The following ARHGAP23 variants were observed in gnomAD, a reference collection of about 807,000 sequenced individuals.
ARHGAP23 encodes the protein rho GTPase-activating protein 23.
In ARHGAP23, 34 loss-of-function variants were observed where a neutral mutation model predicts 136.3. That is an observed-to-expected ratio of 0.25 (90% confidence interval 0.19 to 0.33). The LOEUF is 0.33. Among genes scored for constraint, ARHGAP23 ranks in the 10% least tolerant of loss-of-function variants. The probability of loss-of-function intolerance (pLI) is 1.00; values close to 1 mark genes in which losing one functional copy is unlikely to be tolerated. For synonymous variants in ARHGAP23, 832 were observed against 920.5 expected, an observed-to-expected ratio of 0.90 and a Z score of 1.74; for missense variants, 1,808 against 2,139.0, an observed-to-expected ratio of 0.85 and a Z score of 3.05.
upstream of ARHGAP23, among the ~76,000 whole-genome samples, chr17:38,425,060 C>A (rs533446829): frequency 1.9e-4 from 29 of 152,314 alleles, no homozygotes; most frequent in Non-Finnish European, 3.8e-4. Flanking sequence ...GCTTGCCGCC[C>A]TCCATTCCTG....
At position 38,466,520 on chromosome 17, in the gene ARHGAP23, C is replaced by T. The variant is rs1013310017; in HGVS notation, c.837C>T (p.Pro279=). The change falls in exon 7 of 24, where the codon CCC becomes CCT. Residue 279 remains proline, a synonymous_variant. Coordinates refer to ENST00000622683, the MANE Select transcript of ARHGAP23 (RefSeq NM_001199417.2). ...AFPEPGSRVP[P]SRLECQQALS... ...CAGAGCCTGGCAGCCGGGTGCCCCC[C>T]AGCAGACTGGAGTGCCAGCAGGCCT... is the stretch of plus-strand genomic sequence containing the variant. 82 of 1,480,914 alleles carry T rather than the reference C, an allele frequency of 5.5e-5. No homozygotes were observed. Among genetic ancestry groups the T allele is most frequent in the Non-Finnish European group, 7.1e-5 (79 of 1,118,978 alleles). 91.7% of individuals were successfully genotyped at this position (1,480,914 alleles called of 1,614,324 possible).
At chr17:38,460,996 T>C (rs2039447342) in intron 3 of ARHGAP23, 64 bp downstream of exon 3, 2 of 1,524,248 alleles carry the variant, frequency 1.3e-6, no homozygotes, top group African/African-American at 1.4e-5. Context: ...TGTCTCTCCC[T>C]GTCCTCCCCT....
rs572754569 is a variant in ARHGAP23, at chr17:38,467,300, C to T, written c.1617C>T (p.Thr539=). ...LGRKVAPLAT[T]EDSLASIPFI... is the part of the protein sequence containing the mutation. ...GGAAGGTGGCCCCTTTGGCCACCAC[C>T]GAAGACTCTCTGGCTTCCATCCCCT... The change falls in exon 7 of 24, where the codon ACC becomes ACT. Residue 539 remains threonine, a synonymous_variant. Transcript: ENST00000622683. 6.0e-6 allele frequency: 9 copies of T among 1,505,998 alleles called. No homozygotes were observed. Among genetic ancestry groups the T allele is most frequent in the African/African-American group, 5.6e-5 (4 of 70,940 alleles). 93.3% of individuals were successfully genotyped at this position (1,505,998 alleles called of 1,614,324 possible).
At chr17:38,457,734 C>T (rs747432283) in intron 1 of ARHGAP23, 15 of 336,008 alleles carry the variant, frequency 4.5e-5, no homozygotes, top group African/African-American at 1.3e-4. Flanking sequence ...GCTAAGACAA[C>T]GACAGGCACT....
upstream of ARHGAP23, among the ~76,000 whole-genome samples, chr17:38,427,243 T>C (rs1041593351): frequency 2.6e-5 from 4 of 152,122 alleles, no homozygotes; most frequent in African/African-American, 9.7e-5. Flanking sequence ...CAGGCGAATA[T>C]CACTTGAGGT....
intron 6 of ARHGAP23, 103 bp downstream of exon 6, chr17:38,463,485 C>T (rs2039509850): frequency 4.3e-6 from 6 of 1,384,066 alleles, no homozygotes; most frequent in Non-Finnish European, 5.0e-6. Context: ...CACAGGCCGA[C>T]ATTGCCCAGT....
intron 12 of ARHGAP23, among the ~76,000 whole-genome samples, chr17:38,478,174 G>C (rs2039943485): frequency 6.6e-6 from 1 of 152,194 alleles, no homozygotes; most frequent in East Asian, 1.9e-4. Flanking sequence ...GGATCGCCTT[G>C]AGCAGGCTCC....
chr17:38,455,857 C>T (rs1270333548), intron 1 of ARHGAP23, among the ~76,000 whole-genome samples: 1 of 152,202 alleles, frequency 6.6e-6, no homozygotes, highest in African/African-American at 2.4e-5. Context: ...GAATTTTCTC[C>T]TCTGGGCTCC....
chr17:38,509,637 C>A (rs2040709479), intron 23 of ARHGAP23, among the ~76,000 whole-genome samples: 1 of 152,168 alleles, frequency 6.6e-6, no homozygotes, highest in Non-Finnish European at 1.5e-5. Flanking sequence ...ATTGTCATCA[C>A]CAGAGCCGTG....
chr17:38,465,094 G>C (rs2039556193), intron 6 of ARHGAP23, among the ~76,000 whole-genome samples: 1 of 151,576 alleles, frequency 6.6e-6, no homozygotes, highest in Non-Finnish European at 1.5e-5. Flanking sequence ...GTTAGCCGGA[G>C]CTGGGGGTGG....
At chr17:38,447,908 C>T (rs2039071237) in intron 1 of ARHGAP23, among the ~76,000 whole-genome samples, 1 of 152,240 alleles carries the variant, frequency 6.6e-6, no homozygotes, top group Non-Finnish European at 1.5e-5. Context: ...TCTGTAAGTG[C>T]TCATTTCCCA....
chr17:38,478,367 C>T (rs536976346), intron 12 of ARHGAP23, among the ~76,000 whole-genome samples: 4 of 151,850 alleles, frequency 2.6e-5, no homozygotes, highest in African/African-American at 9.7e-5. Context: ...GGCCTTTGGC[C>T]ACAGGTGGGC....
chr17:38,435,766 T>A (rs1277418626), intron 1 of ARHGAP23, among the ~76,000 whole-genome samples: 1 of 152,240 alleles, frequency 6.6e-6, no homozygotes, highest in East Asian at 1.9e-4. Flanking sequence ...GCCCGGCTAA[T>A]TTTTTTGTAT....
intron 17 of ARHGAP23, among the ~76,000 whole-genome samples, chr17:38,489,034 C>T (rs1371884302): frequency 6.6e-6 from 1 of 151,878 alleles, no homozygotes; most frequent in Non-Finnish European, 1.5e-5. Flanking sequence ...TACCACCATG[C>T]CCAGTTAATT....
In ARHGAP23 at chr17:38,463,760, C is replaced by T. The variant is rs117480947; in HGVS notation, c.483+378C>T. 7.0e-4 allele frequency among the ~76,000 whole-genome samples: 106 copies of T among 152,220 alleles called. 1 individual carries two copies. The highest frequency in any genetic ancestry group is 2.4e-3 in the African/African-American group (101 of 41,524). On this transcript the variant is annotated intron_variant, in intron 6 of 23. Coordinates refer to ENST00000622683, the MANE Select transcript of ARHGAP23 (RefSeq NM_001199417.2). ...GTCCACACAGGCACCGAGCACACAT[C>T]GAACACTGCTCAGCACACTGCACCC...
At position 38,510,169 on chromosome 17, in the gene ARHGAP23, G is replaced by A. The variant is rs1286409760; in HGVS notation, c.3673G>A (p.Ala1225Thr). Residue 1225 changes from alanine to threonine, a missense_variant, in exon 24 of 24, where the codon GCC becomes ACC. Coordinates refer to ENST00000622683, the MANE Select transcript of ARHGAP23 (RefSeq NM_001199417.2). This position sits in a 1 kb window ranked among gnomAD's most constrained non-coding sequence, Gnocchi z 4.6. ...GPLPGAVAPE[A>T]PGRLSPPAAP... ...GCTGCCTGGCGCCGTCGCCCCCGAG[G>A]CCCCCGGACGCCTCAGTCCCCCGGC... 10 of 1,298,560 alleles carry A rather than the reference G, an allele frequency of 7.7e-6. No individual in the cohort carries two copies. The highest frequency in any genetic ancestry group is 6.2e-5 in the African/African-American group (4 of 64,702). 80.4% of individuals were successfully genotyped at this position (1,298,560 alleles called of 1,614,324 possible).
intron 14 of ARHGAP23, among the ~76,000 whole-genome samples, chr17:38,480,498 G>A (rs1270495755): frequency 6.6e-6 from 1 of 151,754 alleles, no homozygotes; most frequent in African/African-American, 2.4e-5. Flanking sequence ...GCCGGGTGTG[G>A]TGGCAGGCAC....
intron 20 of ARHGAP23, among the ~76,000 whole-genome samples, chr17:38,493,916 G>A (rs2040333419): frequency 6.6e-6 from 1 of 152,164 alleles, no homozygotes; most frequent in Admixed American, 6.5e-5. Flanking sequence ...ATCACCCAGG[G>A]CATTTGCTCA....
At chr17:38,430,279 AG>A (rs1453206580) in intron 1 of ARHGAP23, among the ~76,000 whole-genome samples, 1 of 152,122 alleles carries the variant, frequency 6.6e-6, no homozygotes, top group Non-Finnish European at 1.5e-5. Flanking sequence ...GAGGGTAGTC[AG>A]GGCACAAGAT....
Sources: gnomAD v4.1 joint callset for allele counts (sites outside exome capture counted in the v4.1 genomes callset) on GRCh38, gnomAD v4.1.1 for gene constraint, Gnocchi (gnomAD v3.1) non-coding constraint, MANE v1.5 for transcripts, NCBI Gene and HGNC (gene_info 2026-07-23, HGNC 2026-07-21) for gene names.